ZNF430: variants seen among roughly 807,000 people sequenced by gnomAD.
ZNF430 encodes the protein zinc finger protein 430.
Under a neutral mutation model 56.7 loss-of-function variants are expected in ZNF430, and 35 were observed. That is an observed-to-expected ratio of 0.62 (90% CI 0.47 to 0.82). ZNF430 has a LOEUF of 0.82. ZNF430 is among the 40% of genes least tolerant of loss of function. ZNF430 has a pLI of 0.00. For missense variants in ZNF430, 574 were observed against 661.0 expected (o/e 0.87, Z 1.44); for synonymous variants, 212 against 224.3 (o/e 0.94, Z 0.49).
intron 4 of ZNF430, among the ~76,000 whole-genome samples, chr19:21,037,811 T>C (rs1305107657): frequency 6.6e-6 from 1 of 152,236 alleles, no homozygotes; most frequent in African/African-American, 2.4e-5. Context: ...GTTATTTTTA[T>C]GTGTTTCTCT....
chr19:21,020,997 C>G (rs77483304), intron 1 of ZNF430, among the ~76,000 whole-genome samples, 194 bp downstream of exon 1: 1 of 152,146 alleles, frequency 6.6e-6, no homozygotes, highest in African/African-American at 2.4e-5. Flanking sequence ...CAGCACGTCC[C>G]GTCTCTTCCT....
At chr19:21,030,964 C>A (rs1042971775) in intron 2 of ZNF430, among the ~76,000 whole-genome samples, 4 of 152,082 alleles carry the variant, frequency 2.6e-5, no homozygotes, top group Non-Finnish European at 5.9e-5. Context: ...CTCAGTGAAA[C>A]CTCCGCCTCC....
In ZNF430 at chr19:21,058,440, A is replaced by G. The variant is rs1052852209; in HGVS notation, c.*419A>G. On this transcript the variant is annotated 3_prime_UTR_variant, in exon 5 of 5. Coordinates refer to ENST00000261560, the MANE Select transcript of ZNF430 (RefSeq NM_025189.4). The stretch of plus-strand genomic sequence containing the variant: ...GCCTGGGCAACAAGAGTGGCACTCC[A>G]TCTCAGAAAAAAAAAAAAAAGATAA... The G allele has an allele frequency of 6.5e-6, 1 of 154,340 alleles. No homozygotes were observed. The highest frequency in any genetic ancestry group is 1.9e-4 in the East Asian group (1 of 5,270). 9.6% of individuals were successfully genotyped at this position (154,340 alleles called of 1,614,324 possible). A position where few individuals can be genotyped will look rare whatever the true frequency, so the allele number is the denominator to read the frequency against.
At chr19:21,037,590 A>G (rs911016207) in intron 4 of ZNF430, among the ~76,000 whole-genome samples, 2 of 152,240 alleles carry the variant, frequency 1.3e-5, no homozygotes, top group African/African-American at 4.8e-5. Context: ...TGCATATTTT[A>G]AATTGATAAA....
At position 21,055,070 on chromosome 19, in the gene ZNF430, C is replaced by T. The variant is rs562825127; in HGVS notation, c.323-1561C>T. On this transcript the variant is annotated intron_variant, in intron 4 of 4. Coordinates refer to ENST00000261560, the MANE Select transcript of ZNF430 (RefSeq NM_025189.4). ...GGTATTTTACATATTTTTGTTCTTA[C>T]CCTCATTTTTCTGATTTTCTGTAGT... 7.2e-5 allele frequency among the ~76,000 whole-genome samples: 11 copies of T among 151,938 alleles called. No individual in the cohort carries two copies. The East Asian group carries it at 2.1e-3, about 29-fold the overall frequency.
rs1968414788 is a variant in ZNF430 at position 21,058,125 on chromosome 19, A to G, written c.*104A>G. 1.8e-6 allele frequency: 2 copies of G among 1,088,564 alleles called. No homozygotes were observed. The highest frequency in any genetic ancestry group is 3.2e-5 in the South Asian group (2 of 61,830). 67.4% of individuals were successfully genotyped at this position (1,088,564 alleles called of 1,614,324 possible). On this transcript the variant is annotated 3_prime_UTR_variant, in exon 5 of 5. Transcript: ENST00000261560. Reference sequence around the variant, plus strand: ...GTGTGAAGAATATGGCAAAGCCTTCAACAAGTCCTCAATTCTTACCAGACA... The same window carrying G: ...GTGTGAAGAATATGGCAAAGCCTTCGACAAGTCCTCAATTCTTACCAGACA...
intron 2 of ZNF430, among the ~76,000 whole-genome samples, chr19:21,027,317 C>T (rs1405735364): frequency 6.6e-6 from 1 of 152,044 alleles, no homozygotes; most frequent in Non-Finnish European, 1.5e-5. Context: ...GAAGTATATA[C>T]CTTCAATGCC....
chr19:21,057,204 A>G lies in ZNF430; in HGVS notation c.896A>G (p.Asn299Ser). ...TGTGAAGAATGTGGCAAAACCTTTAACCGGTCCTCACACCTTACTACACAT... is the reference window on the plus strand; with the variant it reads ...TGTGAAGAATGTGGCAAAACCTTTAGCCGGTCCTCACACCTTACTACACAT... ...YRCEECGKTF[N>S]RSSHLTTHKR... Residue 299 changes from asparagine (N) to serine (S), a missense_variant, in exon 5 of 5, where the codon AAC becomes AGC. Asn to Ser is a conservative substitution (Grantham distance 46). Around this residue, in one of 3 missense-constraint regions of ZNF430, gnomAD observed 346 missense variants for 399.1 expected, o/e 0.87. Coordinates refer to ENST00000261560, the MANE Select transcript of ZNF430 (RefSeq NM_025189.4). 3 of 1,613,812 alleles carry G rather than the reference A, an allele frequency of 1.9e-6. No homozygotes were observed. The South Asian group carries it at 3.3e-5, about 18-fold the overall frequency.
rs1265535511 is a variant in ZNF430 at position 21,020,697 on chromosome 19, G to T, written c.-104G>T. The T allele has an allele frequency of 2.0e-6, 3 of 1,531,832 alleles. No homozygotes were observed. The highest frequency in any genetic ancestry group is 2.7e-6 in the Non-Finnish European group (3 of 1,109,534). 94.9% of individuals were successfully genotyped at this position (1,531,832 alleles called of 1,614,324 possible). A position where few individuals can be genotyped will look rare whatever the true frequency, so the allele number is the denominator to read the frequency against. On this transcript the variant is annotated 5_prime_UTR_variant, in exon 1 of 5. Transcript: ENST00000261560. Reference sequence around the variant, plus strand: ...CTGAGCTCCAGGTCTCGTCTTCAGCGCTCTGTGTCCTCTGCTCCTAGAGGT... The same window carrying T: ...CTGAGCTCCAGGTCTCGTCTTCAGCTCTCTGTGTCCTCTGCTCCTAGAGGT...
Position 21,038,174 on chromosome 19 carries a change from T to G in ZNF430, c.322+3990T>G, listed in dbSNP as rs934290991. On this transcript the variant is annotated intron_variant, in intron 4 of 4. Transcript: ENST00000261560. ...TATTTTTTTCTAAGAGACTTATTAG[T>G]TTTTTTATGTCTAAGTATTTTACTT... Among the ~76,000 whole-genome samples the G allele has an allele frequency of 7.9e-5, 12 of 152,266 alleles. No homozygotes were observed. In the East Asian group the frequency reaches 1.4e-3, roughly 17 times the overall value.
chr19:21,036,063 C>G (rs972117844), intron 4 of ZNF430: 8 of 152,058 alleles, frequency 5.3e-5, no homozygotes, highest in African/African-American at 1.9e-4. Context: ...AGTTTCATAT[C>G]AGTGTTTTGT....
At chr19:21,042,909 G>T (rs1283503110) in intron 4 of ZNF430, among the ~76,000 whole-genome samples, 1 of 152,038 alleles carries the variant, frequency 6.6e-6, no homozygotes, top group Admixed American at 6.6e-5. Context: ...TTGTTTCTTG[G>T]CCACATAAAT....
intron 2 of ZNF430, among the ~76,000 whole-genome samples, chr19:21,024,332 A>G (rs928338152): frequency 6.6e-6 from 1 of 152,200 alleles, no homozygotes; most frequent in South Asian, 2.1e-4. Context: ...CAGTTTCTAG[A>G]CTTTGTAATA....
chr19:21,044,263 C>A (rs974779297), intron 4 of ZNF430, among the ~76,000 whole-genome samples: 2 of 151,914 alleles, frequency 1.3e-5, no homozygotes, highest in African/African-American at 4.8e-5. Flanking sequence ...TCCATAAATA[C>A]CTAGTTTATT....
chr19:21,054,945 A>G (rs985925281), intron 4 of ZNF430, among the ~76,000 whole-genome samples: 4 of 151,898 alleles, frequency 2.6e-5, no homozygotes, highest in Non-Finnish European at 4.4e-5. Context: ...AAGTGCTGGT[A>G]TTACAGGCGT....
chr19:21,046,915 T>C (rs1177643715), intron 4 of ZNF430, among the ~76,000 whole-genome samples: 1 of 152,206 alleles, frequency 6.6e-6, no homozygotes, highest in Non-Finnish European at 1.5e-5. Flanking sequence ...CTGGATGATA[T>C]CCTGAAGGAT....
In ZNF430 at chr19:21,058,002, G is replaced by A; in HGVS notation, c.1694G>A (p.Arg565Lys). The change falls in exon 5 of 5, where the codon AGA becomes AAA. Residue 565 changes from arginine to lysine, a missense_variant. Transcript: ENST00000261560. ...NLIEQSNSYW[R>K]ETLQM ...ATTGAACAAAGTAATTCATACTGGA[G>A]AGAAACCCTACAAATGTGAAGATTG... is the stretch of plus-strand genomic sequence containing the variant. 1 of 1,611,934 alleles carries A rather than the reference G, an allele frequency of 6.2e-7. No individual in the cohort carries two copies. Among genetic ancestry groups the A allele is most frequent in the Non-Finnish European group, 8.5e-7 (1 of 1,179,194 alleles).
chr19:21,043,667 A>T (rs191136474), intron 4 of ZNF430, among the ~76,000 whole-genome samples: 1 of 152,226 alleles, frequency 6.6e-6, no homozygotes, highest in Admixed American at 6.5e-5. Flanking sequence ...TGTCAGTAAT[A>T]GTTTAGTGGG....
chr19:21,025,864 C>A (rs1040161677), intron 2 of ZNF430: 1 of 308,114 alleles, frequency 3.2e-6, no homozygotes. Context: ...TACTTTCCCC[C>A]TCTTTGTACT....
Sources: allele counts gnomAD v4.1 joint callset (sites outside exome capture counted in the v4.1 genomes callset), GRCh38; gene constraint gnomAD v4.1.1; regional missense constraint gnomAD v4.1.1; transcripts MANE v1.5; gene names NCBI Gene and HGNC (gene_info 2026-07-23, HGNC 2026-07-21).